Variants in BORA observed in about 807,000 individuals in gnomAD.
BORA encodes the protein protein aurora borealis.
In BORA, 26 loss-of-function variants were observed where a neutral mutation model predicts 55.8. The ratio of observed to expected loss-of-function variants is 0.47; its 90% CI spans 0.34 to 0.65. The LOEUF (loss-of-function observed/expected upper bound fraction) is 0.65, where lower values mean the gene tolerates loss of function less well. Ranked by LOEUF, BORA falls within the 30% of genes least tolerant of loss-of-function variation. The pLI is 0.01. For synonymous variants in BORA, 201 were observed against 216.9 expected, an observed-to-expected ratio of 0.93 and a Z score of 0.64; for missense variants, 568 against 671.5, an observed-to-expected ratio of 0.85 and a Z score of 1.70.
rs887599210 is a variant in BORA, at chr13:72,755,599, A to G, written c.*383A>G. On this transcript the variant is annotated 3_prime_UTR_variant, in exon 12 of 12. Transcript: ENST00000390667. ...ACTATGTTAAAACTGAAGGCACTAT[A>G]TATTTTTACATAAAAGCTTGAACAT... The G allele has an allele frequency of 2.9e-6, 1 of 344,676 alleles. No homozygotes were observed. 21.4% of individuals were successfully genotyped at this position (344,676 alleles called of 1,614,324 possible).
intron 4 of BORA, among the ~76,000 whole-genome samples, chr13:72,735,854 C>T (rs1419178500): frequency 2.6e-5 from 4 of 152,218 alleles, no homozygotes; most frequent in Non-Finnish European, 5.9e-5. Flanking sequence ...GATGATCCGC[C>T]TACCTTGGCC....
chr13:72,729,789 T>G (rs930157035), intron 2 of BORA, among the ~76,000 whole-genome samples: 5 of 152,260 alleles, frequency 3.3e-5, no homozygotes, highest in African/African-American at 1.2e-4. Flanking sequence ...AAAATAATTC[T>G]TAGCTTGCAA....
chr13:72,736,219 T>G (rs2032924692), intron 4 of BORA, among the ~76,000 whole-genome samples: 1 of 152,180 alleles, frequency 6.6e-6, no homozygotes, highest in Non-Finnish European at 1.5e-5. Context: ...GAATCCTTAA[T>G]TTTAAAGAGA....
chr13:72,753,272 A>G (rs1225259439), intron 10 of BORA: 1 of 154,938 alleles, frequency 6.5e-6, no homozygotes, highest in African/African-American at 2.4e-5. Context: ...ATTATTGTGA[A>G]CAACTAGGTG....
chr13:72,752,599 C>A (rs1361282352), intron 10 of BORA: 1 of 152,198 alleles, frequency 6.6e-6, no homozygotes, highest in Admixed American at 6.5e-5. Context: ...TCTCTGGGAG[C>A]AATCTGACAT....
At chr13:72,747,480 A>G (rs1189787888) in intron 10 of BORA, among the ~76,000 whole-genome samples, 1 of 152,114 alleles carries the variant, frequency 6.6e-6, no homozygotes, top group Non-Finnish European at 1.5e-5. Flanking sequence ...TTCTAAAAAT[A>G]AAATCATTTT....
Position 72,755,279 on chromosome 13 carries a change from G to A in BORA, c.*63G>A, listed in dbSNP as rs1240224509. The A allele has an allele frequency of 7.3e-7, 1 of 1,366,794 alleles. No homozygotes were observed. The highest frequency in any genetic ancestry group is 1.7e-5 in the Admixed American group (1 of 58,566). 84.7% of individuals were successfully genotyped at this position (1,366,794 alleles called of 1,614,324 possible). On this transcript the variant is annotated 3_prime_UTR_variant, in exon 12 of 12. Transcript: ENST00000390667. ...TCCTCGCATATATCGTTGTGCACAG[G>A]ATCAACATGATGGTGACTGGGAAAA...
At chr13:72,752,177 AGAGTTCTTTTATTTCCAGGCTGT>A (rs1282506161) in intron 10 of BORA, 7 of 152,252 alleles carry the variant, frequency 4.6e-5, no homozygotes, top group Admixed American at 4.6e-4. Context: ...AGTTTGAATT[AGAGTTCTTTTATTTCCAGGCTGT>A]GGGATCTTAA....
In BORA at chr13:72,727,959, C is replaced by T. The variant is rs566726666; in HGVS notation, c.-64C>T. 6.4e-6 allele frequency: 10 copies of T among 1,550,596 alleles called. No individual in the cohort carries two copies. The highest frequency in any genetic ancestry group is 3.6e-5 in the South Asian group (3 of 84,060). On this transcript the variant is annotated 5_prime_UTR_variant, in exon 1 of 12. Coordinates refer to ENST00000390667, the MANE Select transcript of BORA (RefSeq NM_024808.5). ...GCCTGTCGTGGAAGCTGGCCTGGCC[C>T]CCGGAGCTCCCTGGAGTCGGTACTG...
Position 72,746,530 on chromosome 13 carries a change from G to T in BORA, c.901G>T (p.Asp301Tyr). The change falls in exon 10 of 12, where the codon GAT becomes TAT. Residue 301 changes from aspartate (D) to tyrosine (Y), a missense_variant. Transcript: ENST00000390667. ...AAGGAAGTTTACTGTTCATTCTCCT[G>T]ATGCTTCATCTGGAACAAATTCTAA... ...EQRKFTVHSP[D>Y]ASSGTNSNGI... is the part of the protein sequence containing the mutation. 6.2e-7 allele frequency: 1 copy of T among 1,612,970 alleles called. No homozygotes were observed. The highest frequency in any genetic ancestry group is 8.5e-7 in the Non-Finnish European group (1 of 1,179,332).
chr13:72,729,364 A>G (rs2032761927), intron 2 of BORA, among the ~76,000 whole-genome samples: 1 of 152,118 alleles, frequency 6.6e-6, no homozygotes. Context: ...TTGACGATAT[A>G]GCTACTAATA....
intron 10 of BORA, among the ~76,000 whole-genome samples, chr13:72,750,153 G>T (rs953755546): frequency 6.6e-6 from 1 of 152,148 alleles, no homozygotes; most frequent in Non-Finnish European, 1.5e-5. Flanking sequence ...GCCCCTGAAG[G>T]AGACTGAAAA....
Position 72,737,954 on chromosome 13 carries a change from T to A in BORA, c.307-8T>A, listed in dbSNP as rs1452910299. 4.5e-6 allele frequency: 7 copies of A among 1,563,634 alleles called. No individual in the cohort carries two copies. The highest frequency in any genetic ancestry group is 6.1e-6 in the Non-Finnish European group (7 of 1,149,024). On this transcript the variant is annotated splice_polypyrimidine_tract_variant and splice_region_variant and intron_variant, in intron 4 of 11. Transcript: ENST00000390667. ...TTATGCCTAATTGTATGACTTTAAT[T>A]TTCCTAGTTTTTCACTAAAGATGTC...
chr13:72,753,538 T>G, intron 10 of BORA, 152 bp from the exon 11 acceptor site: 2 of 718,752 alleles, frequency 2.8e-6, no homozygotes, highest in South Asian at 4.2e-5. Flanking sequence ...CTTTTATATT[T>G]GTGCATTACT....
In BORA at chr13:72,755,786, T is replaced by TTAAG. The variant is rs2033447656; in HGVS notation, c.*573_*576dup. On this transcript the variant is annotated 3_prime_UTR_variant, in exon 12 of 12. Coordinates refer to ENST00000390667, the MANE Select transcript of BORA (RefSeq NM_024808.5). ...GTGATAACTGTTCTAGTTACTACTTTTAAGTATGTAAATACTAGAAAGGTA... is the reference window on the plus strand; with the variant it reads ...GTGATAACTGTTCTAGTTACTACTTTTAAGTAAGTATGTAAATACTAGAAAGGTA... 5.0e-6 allele frequency: 2 copies of TTAAG among 398,078 alleles called. No individual in the cohort carries two copies. Among genetic ancestry groups the TTAAG allele is most frequent in the South Asian group, 1.3e-4 (1 of 7,552 alleles). The allele number at this position is 398,078 out of a possible 1,614,324, so 24.7% of individuals were successfully genotyped here. A position where few individuals can be genotyped will look rare whatever the true frequency, so the allele number is the denominator to read the frequency against.
chr13:72,732,404 G>C (rs1566219277), intron 3 of BORA, among the ~76,000 whole-genome samples: 1 of 152,130 alleles, frequency 6.6e-6, no homozygotes, highest in South Asian at 2.1e-4. Context: ...GCCAGGTGTG[G>C]TGGCTCACAC....
intron 5 of BORA, among the ~76,000 whole-genome samples, chr13:72,741,087 T>C (rs1315218050): frequency 1.3e-5 from 2 of 152,222 alleles, no homozygotes; most frequent in African/African-American, 4.8e-5. Flanking sequence ...TGCAGCAAGG[T>C]GCTTCAGTGC....
chr13:72,743,884 C>T (rs761761052), intron 6 of BORA, among the ~76,000 whole-genome samples: 6 of 151,852 alleles, frequency 4.0e-5, no homozygotes, highest in Non-Finnish European at 7.4e-5. Context: ...TACAGGCACC[C>T]GCCACCACAC....
At chr13:72,739,881 A>T (rs574931781) in intron 5 of BORA, among the ~76,000 whole-genome samples, 5 of 152,132 alleles carry the variant, frequency 3.3e-5, no homozygotes, top group African/African-American at 1.2e-4. Flanking sequence ...CAACGCCTTT[A>T]TTGGGTCCAG....
Sources: gnomAD v4.1 joint callset for allele counts (sites outside exome capture counted in the v4.1 genomes callset) on GRCh38, gnomAD v4.1.1 for gene constraint, MANE v1.5 for transcripts, NCBI Gene and HGNC (gene_info 2026-07-23, HGNC 2026-07-21) for gene names.